The following SLC24A3 variants were observed in gnomAD, a reference collection of about 807,000 sequenced individuals.
SLC24A3 encodes solute carrier family 24 member 3.
SLC24A3 carries 28 observed loss-of-function variants against 75.8 expected under a neutral mutation model. That is an observed-to-expected ratio of 0.37 (90% CI 0.27 to 0.51). The LOEUF is 0.51. Ranked by LOEUF, SLC24A3 falls within the 20% of genes least tolerant of loss-of-function variation. SLC24A3 has a pLI of 0.94. For synonymous variants in SLC24A3, 372 were observed against 334.1 expected, an observed-to-expected ratio of 1.11 and a Z score of -1.24; for missense variants, 663 against 847.8, an observed-to-expected ratio of 0.78 and a Z score of 2.71.
chr20:19,700,288 A>G (rs576074156), intron 15 of SLC24A3, among the ~76,000 whole-genome samples: 2 of 152,084 alleles, frequency 1.3e-5, no homozygotes, highest in East Asian at 1.9e-4. Context: ...CCAAGCAGAA[A>G]CTCAGGGTTT....
At chr20:19,260,378 A>G (rs908014702) in intron 1 of SLC24A3, among the ~76,000 whole-genome samples, 1 of 152,312 alleles carries the variant, frequency 6.6e-6, no homozygotes, top group East Asian at 1.9e-4. Flanking sequence ...AAAAGAAAGT[A>G]CTCAAAACCA....
At chr20:19,338,049 T>G (rs934731282) in intron 2 of SLC24A3, among the ~76,000 whole-genome samples, 1 of 152,174 alleles carries the variant, frequency 6.6e-6, no homozygotes, top group Non-Finnish European at 1.5e-5. Flanking sequence ...AGGGCGTGGA[T>G]ACAGGGATGA....
At chr20:19,358,316 C>T (rs571848464) in intron 2 of SLC24A3, among the ~76,000 whole-genome samples, 10 of 152,250 alleles carry the variant, frequency 6.6e-5, no homozygotes, top group African/African-American at 2.2e-4. Context: ...AACATCCACC[C>T]GCGCCACATC....
At chr20:19,720,111 C>T (rs1351376117) in intron 16 of SLC24A3, among the ~76,000 whole-genome samples, 2 of 152,196 alleles carry the variant, frequency 1.3e-5, no homozygotes, top group Non-Finnish European at 2.9e-5. Context: ...CCCAGTGCCA[C>T]CCAGCAGACC....
chr20:19,367,612 T>C (rs1985916453), intron 2 of SLC24A3, among the ~76,000 whole-genome samples: 1 of 152,138 alleles, frequency 6.6e-6, no homozygotes, highest in Admixed American at 6.5e-5. Flanking sequence ...GTTCTCAGAC[T>C]AGCTGTGGTC....
chr20:19,662,668 C>G (rs192729963), intron 7 of SLC24A3, among the ~76,000 whole-genome samples: 4 of 152,350 alleles, frequency 2.6e-5, no homozygotes, highest in African/African-American at 9.6e-5. Context: ...ACTAGTAATA[C>G]TTATCTAAGG....
At chr20:19,647,776 T>C (rs1317338551) in intron 6 of SLC24A3, among the ~76,000 whole-genome samples, 3 of 152,220 alleles carry the variant, frequency 2.0e-5, no homozygotes, top group Admixed American at 6.5e-5. Context: ...GCAAGATCAA[T>C]GAAGAGCACT....
rs74705293 is a variant in SLC24A3, at chr20:19,468,756, C to T, written c.272-46732C>T. Among the ~76,000 whole-genome samples, 9 of 152,260 alleles carry T rather than the reference C, an allele frequency of 5.9e-5. No individual in the cohort carries two copies. The East Asian group carries it at 1.7e-3, about 29-fold the overall frequency. ...GGCCACATAAATTGCTCGGATATGG[C>T]CCAGATTAAGTGTATGTTGGGTTTA... is the stretch of plus-strand genomic sequence containing the variant. On this transcript the variant is annotated intron_variant, in intron 2 of 16. Coordinates refer to ENST00000328041, the MANE Select transcript of SLC24A3 (RefSeq NM_020689.4).
intron 15 of SLC24A3, among the ~76,000 whole-genome samples, chr20:19,703,751 T>C (rs1273603290): frequency 1.3e-5 from 2 of 152,246 alleles, no homozygotes; most frequent in East Asian, 3.9e-4. Flanking sequence ...CTTTGACTAA[T>C]AATGTTAGAT....
intron 3 of SLC24A3, among the ~76,000 whole-genome samples, chr20:19,575,863 C>T (rs946327461): frequency 6.6e-6 from 1 of 152,230 alleles, no homozygotes; most frequent in Non-Finnish European, 1.5e-5. Context: ...AAAAATATCC[C>T]TCACTGTCTG....
intron 2 of SLC24A3, among the ~76,000 whole-genome samples, chr20:19,451,764 T>C (rs539704069): frequency 7.2e-4 from 109 of 152,338 alleles, no homozygotes; most frequent in African/African-American, 2.5e-3. Context: ...GTGTTCCTCT[T>C]GCCTCTTCTC....
intron 1 of SLC24A3, among the ~76,000 whole-genome samples, chr20:19,230,391 C>T (rs1028952929): frequency 1.3e-5 from 2 of 152,080 alleles, no homozygotes; most frequent in Admixed American, 1.3e-4. Flanking sequence ...TGAGGTGGAA[C>T]CTTATTCATT....
At chr20:19,651,315 A>G (rs2032198830) in intron 6 of SLC24A3, among the ~76,000 whole-genome samples, 1 of 148,516 alleles carries the variant, frequency 6.7e-6, no homozygotes, top group Admixed American at 6.7e-5. Flanking sequence ...GCATGACTCC[A>G]TTTTTTGCTA....
rs115710534 is a variant in SLC24A3, at chr20:19,620,330, G to A, written c.613-33732G>A. On this transcript the variant is annotated intron_variant, in intron 6 of 16. Transcript: ENST00000328041. ...CTGTGTGTTGTCAATCTTTTTTGGG[G>A]GGGAAAGCTTGAAGAGATAACGATT... Among the ~76,000 whole-genome samples, 876 of 152,284 alleles carry A rather than the reference G, an allele frequency of 5.8e-3. 12 individuals carry two copies. The highest frequency in any genetic ancestry group is 0.017 in the African/African-American group (727 of 41,554).
intron 1 of SLC24A3, among the ~76,000 whole-genome samples, chr20:19,273,977 G>A (rs548598054): frequency 6.6e-6 from 1 of 151,012 alleles, no homozygotes; most frequent in Non-Finnish European, 1.5e-5. Flanking sequence ...ATCCAAAGGC[G>A]AAGAGGGGAG....
chr20:19,685,392 G>A, intron 12 of SLC24A3, 31 bp downstream of exon 12: 5 of 1,606,128 alleles, frequency 3.1e-6, no homozygotes, highest in Non-Finnish European at 4.3e-6. Context: ...GCTGGGGTTG[G>A]GAGCTATTTT....
intron 12 of SLC24A3, among the ~76,000 whole-genome samples, chr20:19,686,097 T>G (rs969251604): frequency 2.0e-5 from 3 of 152,234 alleles, no homozygotes; most frequent in African/African-American, 7.2e-5. Context: ...TTGGGCTGGT[T>G]TCAGGGGACG....
chr20:19,345,714 A>T (rs1985378720), intron 2 of SLC24A3, among the ~76,000 whole-genome samples: 1 of 152,176 alleles, frequency 6.6e-6, no homozygotes, highest in Admixed American at 6.5e-5. Flanking sequence ...TTATCAGGGA[A>T]ATGCAAATCA....
chr20:19,580,742 G>A (rs1249606066), intron 4 of SLC24A3, among the ~76,000 whole-genome samples: 1 of 152,146 alleles, frequency 6.6e-6, no homozygotes, highest in African/African-American at 2.4e-5. Context: ...TTATCTGAAA[G>A]CTTTCCATTT....
Sources: gnomAD v4.1 joint callset for allele counts (sites outside exome capture counted in the v4.1 genomes callset) on GRCh38, gnomAD v4.1.1 for gene constraint, MANE v1.5 for transcripts, NCBI Gene and HGNC (gene_info 2026-07-23, HGNC 2026-07-21) for gene names.